SNTG2: variants seen among roughly 807,000 people sequenced by gnomAD.
The protein encoded by SNTG2 is gamma-2-syntrophin.
A neutral mutation model predicts 70.9 loss-of-function variants in SNTG2; 74 were observed. The observed-to-expected ratio is 1.04, with a 90% CI of 0.86 to 1.27. The LOEUF (loss-of-function observed/expected upper bound fraction) is 1.27. Among genes scored for constraint, SNTG2 ranks in the 50% most tolerant of loss-of-function variants. SNTG2 has a pLI of 0.00. For synonymous variants in SNTG2, 278 were observed against 273.8 expected (o/e 1.02, Z -0.15); for missense variants, 717 against 690.7 (o/e 1.04, Z -0.43).
chr2:1,099,856 C>G lies in SNTG2; in HGVS notation c.325+1446C>G, dbSNP rs533456224. Among the ~76,000 whole-genome samples, 75 of 152,290 alleles carry G rather than the reference C, an allele frequency of 4.9e-4. 1 individual carries two copies. The South Asian group carries it at 7.9e-3, about 16-fold the overall frequency. On this transcript the variant is annotated intron_variant, in intron 4 of 16. Coordinates refer to ENST00000308624, the MANE Select transcript of SNTG2 (RefSeq NM_018968.4). ...TGAAATTTGCATCCGGGTAAAGATT[C>G]TTTTTCGGCAGAAGGACATTTAAGA...
At chr2:1,126,882 A>C (rs889514205) in intron 4 of SNTG2, among the ~76,000 whole-genome samples, 5 of 152,166 alleles carry the variant, frequency 3.3e-5, no homozygotes, top group African/African-American at 9.6e-5. Flanking sequence ...TTGTCAAATG[A>C]ATAGTTTGAA....
intron 4 of SNTG2, among the ~76,000 whole-genome samples, chr2:1,104,491 G>A (rs184594569): frequency 6.6e-6 from 1 of 152,254 alleles, no homozygotes; most frequent in African/African-American, 2.4e-5. Context: ...TCTTTTTATA[G>A]TTGAACTTCT....
chr2:1,347,028 G>A (rs1660326335), intron 16 of SNTG2, among the ~76,000 whole-genome samples: 1 of 152,014 alleles, frequency 6.6e-6, no homozygotes, highest in Non-Finnish European at 1.5e-5. Flanking sequence ...TCTGTTCAAG[G>A]GGATTTAATG....
intron 1 of SNTG2, among the ~76,000 whole-genome samples, chr2:1,015,992 G>A (rs1659879846): frequency 6.6e-6 from 1 of 151,960 alleles, no homozygotes; most frequent in Non-Finnish European, 1.5e-5. Flanking sequence ...ATACTGTAGG[G>A]GATTATCTTA....
intron 9 of SNTG2, among the ~76,000 whole-genome samples, chr2:1,222,109 C>CTCTCTCTG (rs1558553582): frequency 4.5e-5 from 2 of 44,530 alleles, no homozygotes; most frequent in African/African-American, 1.0e-4. Context: ...CTCTCTGTCT[C>CTCTCTCTG]TCTCTGTCTC....
At chr2:1,032,100 A>C (rs1483294523) in intron 1 of SNTG2, among the ~76,000 whole-genome samples, 1 of 152,210 alleles carries the variant, frequency 6.6e-6, no homozygotes, top group Non-Finnish European at 1.5e-5. Flanking sequence ...TGACAGGTGG[A>C]AGGGGGACCT....
chr2:1,066,555 C>A (rs1663167285), intron 1 of SNTG2, among the ~76,000 whole-genome samples: 2 of 151,736 alleles, frequency 1.3e-5, no homozygotes, highest in African/African-American at 4.8e-5. Flanking sequence ...TTTCTTGGTG[C>A]AAGTTTGGCT....
In SNTG2 at chr2:1,204,090, C is replaced by A. The variant is rs141100750; in HGVS notation, c.592-5013C>A. Among the ~76,000 whole-genome samples the A allele has an allele frequency of 3.2e-3, 481 of 152,272 alleles. 2 individuals are homozygous for A. Among genetic ancestry groups the A allele is most frequent in the African/African-American group, 0.011 (458 of 41,552 alleles). Reference sequence around the variant, plus strand: ...CGAGTTATAAAGCAGCAAAACTAGTCTATAACAGCAGAAACCAGATCAGTG... The same window carrying A: ...CGAGTTATAAAGCAGCAAAACTAGTATATAACAGCAGAAACCAGATCAGTG... On this transcript the variant is annotated intron_variant, in intron 8 of 16. Transcript: ENST00000308624.
intron 14 of SNTG2, among the ~76,000 whole-genome samples, chr2:1,285,476 A>G (rs1040985174): frequency 6.6e-6 from 1 of 152,236 alleles, no homozygotes; most frequent in African/African-American, 2.4e-5. Flanking sequence ...TTTCCTTGGT[A>G]GGACTGGAAA....
intron 13 of SNTG2, among the ~76,000 whole-genome samples, chr2:1,261,953 T>C (rs1243120715): frequency 6.6e-6 from 1 of 152,110 alleles, no homozygotes; most frequent in Non-Finnish European, 1.5e-5. Context: ...GCAGTGGTGT[T>C]CCGGGAGCCT....
chr2:1,037,850 G>A (rs1048474885), intron 1 of SNTG2, among the ~76,000 whole-genome samples: 4 of 152,118 alleles, frequency 2.6e-5, no homozygotes, highest in Non-Finnish European at 4.4e-5. Flanking sequence ...ATGAGGGATG[G>A]ACTTTCTGGT....
chr2:1,165,101 C>T (rs1300556930), intron 6 of SNTG2, among the ~76,000 whole-genome samples: 1 of 152,146 alleles, frequency 6.6e-6, no homozygotes, highest in African/African-American at 2.4e-5. Flanking sequence ...GAAGTGATAG[C>T]CACTAATTTC....
chr2:1,139,177 C>T (rs886161508), intron 6 of SNTG2, among the ~76,000 whole-genome samples: 1 of 152,152 alleles, frequency 6.6e-6, no homozygotes, highest in Non-Finnish European at 1.5e-5. Context: ...TCTATCCTAG[C>T]CCAGAGAGAG....
chr2:1,115,107 A>G (rs1408763509), intron 4 of SNTG2, among the ~76,000 whole-genome samples: 1 of 151,676 alleles, frequency 6.6e-6, no homozygotes, highest in Non-Finnish European at 1.5e-5. Flanking sequence ...TTTGAGGAGG[A>G]TCTTGTGTAC....
intron 1 of SNTG2, among the ~76,000 whole-genome samples, chr2:953,906 T>C (rs2147938224): frequency 6.6e-6 from 1 of 152,242 alleles, no homozygotes; most frequent in East Asian, 1.9e-4. Flanking sequence ...TCAGTTTTAA[T>C]TTAGATCTGC....
intron 6 of SNTG2, among the ~76,000 whole-genome samples, chr2:1,147,784 G>C (rs1011232460): frequency 7.2e-5 from 11 of 152,210 alleles, no homozygotes; most frequent in Non-Finnish European, 1.5e-4. Context: ...AGCTACAGTT[G>C]TGTGGCATGA....
At chr2:1,192,765 A>C (rs953982606) in intron 8 of SNTG2, among the ~76,000 whole-genome samples, 11 of 152,144 alleles carry the variant, frequency 7.2e-5, no homozygotes, top group African/African-American at 2.7e-4. Context: ...CCCCTAGTGG[A>C]ATAGACCAGC....
rs1665502866 is a variant in SNTG2 at position 1,097,948 on chromosome 2, G to A, written c.211-248G>A. On this transcript the variant is annotated intron_variant, in intron 2 of 16. Transcript: ENST00000308624. The surrounding 1 kb of genome is among the most constrained non-coding windows in gnomAD (Gnocchi z 4.1). ...ATGCAGACGGGATGACAGTTCTGTGGGGATTCTTCCTGGATTTCAGACAAT... is the reference window on the plus strand; with the variant it reads ...ATGCAGACGGGATGACAGTTCTGTGAGGATTCTTCCTGGATTTCAGACAAT... 6.6e-6 allele frequency among the ~76,000 whole-genome samples: 1 copy of A among 151,800 alleles called. No homozygotes were observed. Among genetic ancestry groups the A allele is most frequent in the Non-Finnish European group, 1.5e-5 (1 of 67,976 alleles).
intron 9 of SNTG2, among the ~76,000 whole-genome samples, chr2:1,217,253 T>C (rs1674455037): frequency 6.6e-6 from 1 of 152,206 alleles, no homozygotes; most frequent in Non-Finnish European, 1.5e-5. Context: ...TCCAACATGT[T>C]ACAAGCCCGT....
Sources: gnomAD v4.1 joint callset for allele counts (sites outside exome capture counted in the v4.1 genomes callset) on GRCh38, gnomAD v4.1.1 for gene constraint, Gnocchi (gnomAD v3.1) non-coding constraint, MANE v1.5 for transcripts, NCBI Gene and HGNC (gene_info 2026-07-23, HGNC 2026-07-21) for gene names.